Variants in PXDNL observed in about 807,000 individuals in gnomAD.
PXDNL encodes peroxidasin like, also known as probable oxidoreductase PXDNL.
A neutral mutation model predicts 150.8 loss-of-function variants in PXDNL; 145 were observed. That is an observed-to-expected ratio of 0.96 (90% CI 0.84 to 1.10). The LOEUF is 1.10. Among genes scored for constraint, PXDNL ranks in the 50% least tolerant of loss-of-function variants. PXDNL has a pLI of 0.00. For synonymous variants in PXDNL, 757 were observed against 725.7 expected (o/e 1.04, Z -0.69); for missense variants, 2,087 against 1,873.9 (o/e 1.11, Z -2.10).
rs1047328969 is a variant in PXDNL, at chr8:51,760,842, A to C, written c.164+48339T>G. Among the ~76,000 whole-genome samples, 5 of 67,224 alleles carry C rather than the reference A, an allele frequency of 7.4e-5. No individual in the cohort carries two copies. In the Admixed American group the frequency reaches 7.6e-4, roughly 10 times the overall value. The allele number at this position is 67,224 out of a possible 152,430, so 44.1% of individuals were successfully genotyped here. A position where few individuals can be genotyped will look rare whatever the true frequency, so the allele number is the denominator to read the frequency against. On this transcript the variant is annotated intron_variant, in intron 1 of 22. Transcript: ENST00000356297. ...ATGGTTAGCCTGAAGGAAATCACTT[A>C]AACTTTTTTTTTTTTTTTTTTTTTT... is the stretch of plus-strand genomic sequence containing the variant.
chr8:51,526,225 C>A (rs749119291), intron 4 of PXDNL, among the ~76,000 whole-genome samples: 1 of 152,114 alleles, frequency 6.6e-6, no homozygotes, highest in Non-Finnish European at 1.5e-5. Flanking sequence ...GCAGGTATTG[C>A]GAGTTAACAG....
intron 5 of PXDNL, among the ~76,000 whole-genome samples, chr8:51,486,786 ATATATATATTTTTTTTTTTTTT>A (rs1368316012): frequency 1.3e-4 from 3 of 23,558 alleles, no homozygotes; most frequent in African/African-American, 1.6e-4. Flanking sequence ...ATATATATAT[ATATATATATTTTTTTTTTTTTT>A]TTTTTTTTTT....
At chr8:51,370,981 T>C (rs1807095703) in intron 19 of PXDNL, among the ~76,000 whole-genome samples, 1 of 152,198 alleles carries the variant, frequency 6.6e-6, no homozygotes, top group Admixed American at 6.5e-5. Flanking sequence ...CTGAGAATGA[T>C]CATTTCAGTC....
At chr8:51,507,062 A>G (rs1811310948) in intron 4 of PXDNL, among the ~76,000 whole-genome samples, 2 of 152,278 alleles carry the variant, frequency 1.3e-5, no homozygotes, top group Admixed American at 1.3e-4. Flanking sequence ...TTAGTATATT[A>G]AAACATTAAT....
chr8:51,457,768 T>A, intron 8 of PXDNL, 101 bp from the exon 9 acceptor site: 1 of 738,498 alleles, frequency 1.4e-6, no homozygotes, highest in Middle Eastern at 3.4e-4. Flanking sequence ...GTTTCATGTC[T>A]ACCAAATTTG....
intron 1 of PXDNL, among the ~76,000 whole-genome samples, chr8:51,770,619 C>T (rs890144982): frequency 4.6e-5 from 7 of 152,160 alleles, no homozygotes; most frequent in Non-Finnish European, 8.8e-5. Flanking sequence ...CACAGGCCTT[C>T]GGCAGGATCT....
intron 12 of PXDNL, among the ~76,000 whole-genome samples, chr8:51,428,771 C>T (rs557845942): frequency 2.6e-4 from 40 of 152,166 alleles, no homozygotes; most frequent in African/African-American, 8.7e-4. Context: ...AGGAGAAAAT[C>T]TTTGATATTT....
In PXDNL at chr8:51,692,578, G is replaced by A. The variant is rs772254406; in HGVS notation, c.165-37818C>T. Reference sequence around the variant, plus strand: ...AAAGAAATGAGAGGTTATGGGTGGGGGCCAAATTTCACTGGAGAATAACCC... The same window carrying A: ...AAAGAAATGAGAGGTTATGGGTGGGAGCCAAATTTCACTGGAGAATAACCC... On this transcript the variant is annotated intron_variant, in intron 1 of 22. Transcript: ENST00000356297. 1.2e-4 allele frequency among the ~76,000 whole-genome samples: 19 copies of A among 152,224 alleles called. No homozygotes were observed. The South Asian group carries it at 1.9e-3, about 15-fold the overall frequency.
At chr8:51,768,120 T>A (rs1204775093) in intron 1 of PXDNL, among the ~76,000 whole-genome samples, 1 of 152,212 alleles carries the variant, frequency 6.6e-6, no homozygotes, top group African/African-American at 2.4e-5. Context: ...AGTTAAAACA[T>A]CACAAAGCAG....
At chr8:51,682,022 C>T (rs565550514) in intron 1 of PXDNL, among the ~76,000 whole-genome samples, 493 of 152,070 alleles carry the variant, frequency 3.2e-3, no homozygotes, top group Non-Finnish European at 5.6e-3. Context: ...CAGAAAAGTA[C>T]GTAGAATCAT....
At chr8:51,776,477 G>A (rs2037355073) in intron 1 of PXDNL, among the ~76,000 whole-genome samples, 1 of 152,104 alleles carries the variant, frequency 6.6e-6, no homozygotes, top group Non-Finnish European at 1.5e-5. Flanking sequence ...GACACTTAGA[G>A]AAATAGAAAA....
chr8:51,570,478 C>CT (rs1465705641), intron 3 of PXDNL, among the ~76,000 whole-genome samples: 1 of 151,702 alleles, frequency 6.6e-6, no homozygotes, highest in African/African-American at 2.4e-5. Context: ...TGACATTATA[C>CT]TTTTTAAAAA....
At chr8:51,404,005 C>G (rs933297034) in intron 17 of PXDNL, among the ~76,000 whole-genome samples, 2 of 152,104 alleles carry the variant, frequency 1.3e-5, no homozygotes, top group Admixed American at 1.3e-4. Flanking sequence ...TGCAGACCTT[C>G]GCAGTGAGTG....
At chr8:51,752,726 G>A (rs1196847707) in intron 1 of PXDNL, among the ~76,000 whole-genome samples, 1 of 152,132 alleles carries the variant, frequency 6.6e-6, no homozygotes, top group Non-Finnish European at 1.5e-5. Context: ...CATGCCTTTA[G>A]TGATATTTGT....
chr8:51,387,589 A>G (rs1386431582), intron 17 of PXDNL, among the ~76,000 whole-genome samples: 2 of 152,214 alleles, frequency 1.3e-5, no homozygotes, highest in Non-Finnish European at 2.9e-5. Context: ...ATCATTCACT[A>G]CAGTATCAGT....
intron 2 of PXDNL, among the ~76,000 whole-genome samples, chr8:51,632,652 G>A (rs1403632976): frequency 6.6e-6 from 1 of 152,100 alleles, no homozygotes; most frequent in Non-Finnish European, 1.5e-5. Context: ...CCACGATGCA[G>A]TTATAGAATA....
At chr8:51,347,913 T>G (rs978954966) in intron 19 of PXDNL, among the ~76,000 whole-genome samples, 1 of 151,742 alleles carries the variant, frequency 6.6e-6, no homozygotes, top group African/African-American at 2.4e-5. Flanking sequence ...AAAAAAAAAA[T>G]ACATAGAAAT....
chr8:51,496,413 C>A (rs7827330), intron 5 of PXDNL, among the ~76,000 whole-genome samples: 1 of 151,882 alleles, frequency 6.6e-6, no homozygotes, highest in African/African-American at 2.4e-5. Flanking sequence ...CAACATAGTG[C>A]TGGAAGTTCT....
intron 8 of PXDNL, among the ~76,000 whole-genome samples, chr8:51,465,482 T>C (rs982349033): frequency 1.3e-5 from 2 of 152,158 alleles, no homozygotes; most frequent in African/African-American, 4.8e-5. Flanking sequence ...GCATTCCCCT[T>C]GAGAACCAAA....
Sources: allele counts gnomAD v4.1 joint callset (sites outside exome capture counted in the v4.1 genomes callset), GRCh38; gene constraint gnomAD v4.1.1; transcripts MANE v1.5; gene names NCBI Gene and HGNC (gene_info 2026-07-23, HGNC 2026-07-21).